Variants in TRIOBP observed in about 807,000 individuals in gnomAD.
The protein encoded by TRIOBP is TRIO and F-actin binding protein.
TRIOBP carries 169 observed loss-of-function variants against 238.8 expected under a neutral mutation model. The ratio of observed to expected loss-of-function variants is 0.71; its 90% CI spans 0.62 to 0.80. TRIOBP has a LOEUF of 0.80. TRIOBP is among the 30% of genes least tolerant of loss of function. The pLI, the probability that TRIOBP is intolerant of heterozygous loss-of-function variation, is 0.00. For missense variants in TRIOBP, 2,838 were observed against 3,122.6 expected, an observed-to-expected ratio of 0.91 and a Z score of 2.17; for synonymous variants, 1,150 against 1,274.4, an observed-to-expected ratio of 0.90 and a Z score of 2.08.
At chr22:37,770,449 C>A (rs867214589) in intron 21 of TRIOBP, among the ~76,000 whole-genome samples, 451 of 111,116 alleles carry the variant, frequency 4.1e-3, no homozygotes, top group East Asian at 5.7e-3. Flanking sequence ...GACTCCGTCT[C>A]AAAAAAAAAA....
At chr22:37,721,821 T>G (rs1037559088) in intron 6 of TRIOBP, among the ~76,000 whole-genome samples, 2 of 152,164 alleles carry the variant, frequency 1.3e-5, no homozygotes, top group African/African-American at 4.8e-5. Flanking sequence ...CCCTTTACTC[T>G]TCACCTAAAG....
At chr22:37,736,685 T>C (rs1601641032) in intron 9 of TRIOBP, among the ~76,000 whole-genome samples, 2 of 152,146 alleles carry the variant, frequency 1.3e-5, no homozygotes, top group African/African-American at 2.4e-5. Context: ...TGGAGTGCAA[T>C]TGCACAATCT....
At position 37,769,129 on chromosome 22, in the gene TRIOBP, G is replaced by A. The variant is rs368835788; in HGVS notation, c.6677G>A (p.Arg2226His). 115 of 1,612,906 alleles carry A rather than the reference G, an allele frequency of 7.1e-5. No homozygotes were observed. Among genetic ancestry groups the A allele is most frequent in the Admixed American group, 2.7e-4 (16 of 59,990 alleles). The change falls in exon 20 of 24, where the codon CGC becomes CAC. Residue 2226 changes from arginine to histidine, a missense_variant. Physicochemically the swap from Arg to His is conservative, Grantham distance 29. Transcript: ENST00000644935. Reference protein sequence around the residue: ...IGALMRQAEEREHTLRRCQQE... With the variant: ...IGALMRQAEEHEHTLRRCQQE... ...GCACTCATGCGGCAGGCTGAGGAGCGCGAGCACACGCTGCGCCGCTGCCAG... is the reference window on the plus strand; with the variant it reads ...GCACTCATGCGGCAGGCTGAGGAGCACGAGCACACGCTGCGCCGCTGCCAG...
Position 37,769,348 on chromosome 22 carries a change from C to T in TRIOBP, c.6822C>T (p.Ser2274=), listed in dbSNP as rs1275186960. Residue 2274 remains serine, a synonymous_variant, in exon 21 of 24, where the codon AGC becomes AGT. Transcript: ENST00000644935. ...SQGMGNGCGR[S]NERSSCELEV... ...GCATGGGCAATGGCTGCGGGCGCAGCAACGAGCGGAGTTCCTGCGAGCTAG... is the reference window on the plus strand; with the variant it reads ...GCATGGGCAATGGCTGCGGGCGCAGTAACGAGCGGAGTTCCTGCGAGCTAG... The T allele has an allele frequency of 1.9e-6, 3 of 1,609,410 alleles. No homozygotes were observed. Among genetic ancestry groups the T allele is most frequent in the Non-Finnish European group, 2.5e-6 (3 of 1,178,790 alleles).
chr22:37,735,754 G>C (rs151260250), intron 9 of TRIOBP, among the ~76,000 whole-genome samples: 40 of 152,362 alleles, frequency 2.6e-4, no homozygotes, highest in Non-Finnish European at 3.1e-4. Flanking sequence ...GATGCGCAGG[G>C]TGAAGCCACT....
At chr22:37,759,036 C>G in intron 16 of TRIOBP, 118 bp from the exon 17 acceptor site, 1 of 850,542 alleles carries the variant, frequency 1.2e-6, no homozygotes, top group Non-Finnish European at 1.9e-6. Flanking sequence ...CATTCCTAAG[C>G]CTTCCAGGGA....
At position 37,769,221 on chromosome 22, in the gene TRIOBP, G is replaced by A. The variant is rs1247351611; in HGVS notation, c.6735+34G>A. On this transcript the variant is annotated intron_variant, in intron 20 of 23. Coordinates refer to ENST00000644935, the MANE Select transcript of TRIOBP (RefSeq NM_001039141.3). ...GGCCCCAGGTTGGGGGGACACGGGT[G>A]GGTCCCGGCACCCCTCCCCTGACCA... is the stretch of plus-strand genomic sequence containing the variant. 4 of 1,602,774 alleles carry A rather than the reference G, an allele frequency of 2.5e-6. No homozygotes were observed. The African/African-American group carries it at 5.4e-5, about 21-fold the overall frequency.
intron 15 of TRIOBP, 48 bp from the exon 16 acceptor site, chr22:37,757,565 G>T: frequency 6.5e-7 from 1 of 1,545,182 alleles, no homozygotes; most frequent in East Asian, 2.4e-5. Flanking sequence ...CTCATTGTGG[G>T]ACTGCAGGGG....
chr22:37,743,846 CTGGGTGTGT>C (rs1925080049), intron 11 of TRIOBP, among the ~76,000 whole-genome samples: 1 of 59,014 alleles, frequency 1.7e-5, no homozygotes, highest in Non-Finnish European at 3.3e-5. Flanking sequence ...TGTGTGTGTG[CTGGGTGTGT>C]GTGAGTGTGT....
intron 11 of TRIOBP, among the ~76,000 whole-genome samples, chr22:37,747,426 G>C (rs1383188350): frequency 6.6e-6 from 1 of 152,182 alleles, no homozygotes; most frequent in Non-Finnish European, 1.5e-5. Flanking sequence ...GCCTCTTTCA[G>C]GGGAGTGGAG....
chr22:37,709,072 G>A (rs1308557591), intron 3 of TRIOBP, among the ~76,000 whole-genome samples: 1 of 152,186 alleles, frequency 6.6e-6, no homozygotes, highest in Non-Finnish European at 1.5e-5. Flanking sequence ...TCCTGCTGCC[G>A]AGCTCTGATC....
intron 18 of TRIOBP, among the ~76,000 whole-genome samples, chr22:37,766,284 C>A (rs1334337824): frequency 6.6e-6 from 1 of 152,234 alleles, no homozygotes; most frequent in Non-Finnish European, 1.5e-5. Context: ...CACAGGAGCA[C>A]CCTTCATCCT....
chr22:37,713,976 G>T (rs540709933), intron 5 of TRIOBP, among the ~76,000 whole-genome samples: 1 of 152,204 alleles, frequency 6.6e-6, no homozygotes, highest in Non-Finnish European at 1.5e-5. Flanking sequence ...ATGACAGGGG[G>T]TGGTGATAAG....
rs34848977 is a variant in TRIOBP at position 37,769,580 on chromosome 22, G to A, written c.6849+205G>A. Among the ~76,000 whole-genome samples the A allele has an allele frequency of 0.25, 38,130 of 152,184 alleles. 5,714 individuals carry two copies. Among genetic ancestry groups the A allele is most frequent in the South Asian group, 0.41 (1,972 of 4,834 alleles). On this transcript the variant is annotated intron_variant, in intron 21 of 23. Coordinates refer to ENST00000644935, the MANE Select transcript of TRIOBP (RefSeq NM_001039141.3). Reference sequence around the variant, plus strand: ...ACCTGCATTGTGTCACCTACCTGCCGTGTACCATAGCAAATCACTCCACTT... The same window carrying A: ...ACCTGCATTGTGTCACCTACCTGCCATGTACCATAGCAAATCACTCCACTT...
rs1923960237 is a variant in TRIOBP, at chr22:37,723,765, A to C, written c.1209A>C (p.Arg403Ser). The stretch of plus-strand genomic sequence containing the variant: ...GAACCACTCAACGAGAGAATTCCAG[A>C]ACATCCTGTGCCCAGCGGGACAATC... ...PNRTTQRENS[R>S]TSCAQRDNPK... The change falls in exon 7 of 24, where the codon AGA becomes AGC. Residue 403 changes from arginine to serine, a missense_variant. By Grantham distance (110) the Arg-to-Ser change is moderately radical. Coordinates refer to ENST00000644935, the MANE Select transcript of TRIOBP (RefSeq NM_001039141.3). The C allele has an allele frequency of 5.6e-6, 9 of 1,596,846 alleles. No individual in the cohort carries two copies. Among genetic ancestry groups the C allele is most frequent in the Non-Finnish European group, 7.7e-6 (9 of 1,167,236 alleles).
chr22:37,753,741 A>G lies in TRIOBP; in HGVS notation c.5380-1136A>G, dbSNP rs1463086637. Reference sequence around the variant, plus strand: ...AAGAAGCAGAAGGTATCGTCGTTGCATGCCCCTTGAGAACTTACCATCTTC... The same window carrying G: ...AAGAAGCAGAAGGTATCGTCGTTGCGTGCCCCTTGAGAACTTACCATCTTC... On this transcript the variant is annotated intron_variant, in intron 12 of 23. Transcript: ENST00000644935. Among the ~76,000 whole-genome samples, 5 of 152,358 alleles carry G rather than the reference A, an allele frequency of 3.3e-5. No homozygotes were observed. The East Asian group carries it at 9.6e-4, about 29-fold the overall frequency.
At chr22:37,768,834 C>T (rs1392052254) in intron 19 of TRIOBP, among the ~76,000 whole-genome samples, 194 bp from the exon 20 acceptor site, 2 of 151,892 alleles carry the variant, frequency 1.3e-5, no homozygotes, top group South Asian at 2.1e-4. Flanking sequence ...TGGGCTCCTC[C>T]AAGCCACCCT....
intron 6 of TRIOBP, among the ~76,000 whole-genome samples, chr22:37,720,276 C>T (rs1223889162): frequency 2.0e-5 from 3 of 152,102 alleles, no homozygotes; most frequent in Non-Finnish European, 4.4e-5. Context: ...CTCGGCTTCC[C>T]AAAGTGCTGG....
At position 37,711,987 on chromosome 22, in the gene TRIOBP, C is replaced by G. The variant is rs141552568; in HGVS notation, c.255-1223C>G. ...GCCTGTGGAGCCATGCTGCCTCTCA[C>G]ATCCTCGTTAGCCAAGCATGAGTCT... On this transcript the variant is annotated intron_variant, in intron 4 of 23. Transcript: ENST00000644935. 8.9e-4 allele frequency among the ~76,000 whole-genome samples: 136 copies of G among 152,278 alleles called. 3 individuals carry two copies. In the East Asian group the frequency reaches 0.023, roughly 26 times the overall value.
Sources: gnomAD v4.1 joint callset for allele counts (sites outside exome capture counted in the v4.1 genomes callset) on GRCh38, gnomAD v4.1.1 for gene constraint, MANE v1.5 for transcripts, NCBI Gene and HGNC (gene_info 2026-07-23, HGNC 2026-07-21) for gene names.